CHST15: variants seen among roughly 807,000 people sequenced by gnomAD.
CHST15 encodes the protein B cell RAG associated protein (GALNAC4S-6ST).
In CHST15, 30 loss-of-function variants were observed where a neutral mutation model predicts 53.6. The ratio of observed to expected loss-of-function variants is 0.56; its 90% CI spans 0.42 to 0.76. The LOEUF is 0.76. Ranked by LOEUF, CHST15 falls within the 30% of genes least tolerant of loss-of-function variation. CHST15 has a pLI of 0.00. For missense variants in CHST15, 627 were observed against 740.5 expected, an observed-to-expected ratio of 0.85 and a Z score of 1.78; for synonymous variants, 296 against 289.8, an observed-to-expected ratio of 1.02 and a Z score of -0.22.
At chr10:124,084,114 C>A (rs1260450812) in intron 1 of CHST15, among the ~76,000 whole-genome samples, 2 of 152,208 alleles carry the variant, frequency 1.3e-5, no homozygotes, top group African/African-American at 4.8e-5. Context: ...GTCTCTGCTG[C>A]CCCAAGGAGT....
rs184039448 is a variant in CHST15 at position 124,038,369 on chromosome 10, G to A, written c.1190+146C>T. 5.9e-6 allele frequency: 5 copies of A among 840,860 alleles called. No individual in the cohort carries two copies. The Admixed American group carries it at 1.1e-4, about 18-fold the overall frequency. 52.1% of individuals were successfully genotyped at this position (840,860 alleles called of 1,614,324 possible). A position where few individuals can be genotyped will look rare whatever the true frequency, so the allele number is the denominator to read the frequency against. On this transcript the variant is annotated intron_variant, in intron 5 of 7. Transcript: ENST00000435907. Reference sequence around the variant, plus strand: ...GATCCACCCACCCCGGCCTCCCAAAGTGCTGGGATTACAGGCATGAGCCAC... The same window carrying A: ...GATCCACCCACCCCGGCCTCCCAAAATGCTGGGATTACAGGCATGAGCCAC...
intron 1 of CHST15, among the ~76,000 whole-genome samples, chr10:124,084,055 A>G (rs1038893792): frequency 6.6e-6 from 1 of 152,242 alleles, no homozygotes; most frequent in Non-Finnish European, 1.5e-5. Flanking sequence ...TCTGAGGCTC[A>G]GGAGGCTGCA....
rs144116212 is a variant in CHST15 at position 124,009,375 on chromosome 10, C to T, written c.*774G>A. On this transcript the variant is annotated 3_prime_UTR_variant, in exon 8 of 8. Transcript: ENST00000435907. The stretch of plus-strand genomic sequence containing the variant: ...ATGCAGAAAGTGGTTTTGTTTTAAA[C>T]GCATTCATTTTCTATGTTAAACATA... 50 of 1,011,838 alleles carry T rather than the reference C, an allele frequency of 4.9e-5. No homozygotes were observed. In the African/African-American group the frequency reaches 5.2e-4, roughly 10 times the overall value. The allele number at this position is 1,011,838 out of a possible 1,614,324, so 62.7% of individuals were successfully genotyped here. A position where few individuals can be genotyped will look rare whatever the true frequency, so the allele number is the denominator to read the frequency against.
At chr10:124,040,477 G>A (rs1046331187) in intron 4 of CHST15, among the ~76,000 whole-genome samples, 2 of 152,178 alleles carry the variant, frequency 1.3e-5, no homozygotes, top group African/African-American at 4.8e-5. Flanking sequence ...TCACGTTCAG[G>A]CCACTTGAAT....
intron 4 of CHST15, among the ~76,000 whole-genome samples, chr10:124,040,982 T>C (rs948157674): frequency 3.3e-5 from 5 of 152,252 alleles, no homozygotes; most frequent in Non-Finnish European, 7.3e-5. Flanking sequence ...CATGTGATTT[T>C]CCCAGAGGCA....
intron 1 of CHST15, among the ~76,000 whole-genome samples, chr10:124,090,029 A>G (rs1372363168): frequency 6.6e-6 from 1 of 152,158 alleles, no homozygotes; most frequent in Admixed American, 6.5e-5. Flanking sequence ...CAGCCTAGGG[A>G]CCTGGCCGCA....
At position 124,024,518 on chromosome 10, in the gene CHST15, C is replaced by G. The variant is rs1180411689; in HGVS notation, c.1191-3106G>C. ...TGGCCAGCCAAACTGTCCAAAGAGACAGTCAGCAAAGGGGCTCGGTGGCCA... is the reference window on the plus strand; with the variant it reads ...TGGCCAGCCAAACTGTCCAAAGAGAGAGTCAGCAAAGGGGCTCGGTGGCCA... On this transcript the variant is annotated intron_variant, in intron 5 of 7. Transcript: ENST00000435907. The surrounding 1 kb of genome is among the most constrained non-coding windows in gnomAD (Gnocchi z 4.0). Among the ~76,000 whole-genome samples the G allele has an allele frequency of 6.6e-6, 1 of 152,180 alleles. No individual in the cohort carries two copies. The highest frequency in any genetic ancestry group is 6.5e-5 in the Admixed American group (1 of 15,278).
intron 6 of CHST15, among the ~76,000 whole-genome samples, chr10:124,018,408 TGA>T (rs983612613): frequency 2.0e-5 from 3 of 152,228 alleles, no homozygotes; most frequent in African/African-American, 4.8e-5. Context: ...GCTGATTAAG[TGA>T]GAGCATGAGT....
Position 124,044,568 on chromosome 10 carries a change from C to T in CHST15, c.886+12G>A. The T allele has an allele frequency of 5.3e-6, 8 of 1,502,396 alleles. No homozygotes were observed. Among genetic ancestry groups the T allele is most frequent in the Non-Finnish European group, 7.1e-6 (8 of 1,124,444 alleles). 93.1% of individuals were successfully genotyped at this position (1,502,396 alleles called of 1,614,324 possible). ...ACGAGACCAGACAGGAGCCCTGGGA[C>T]CCAGCACTCACCAAAGCGCTTCCGG... On this transcript the variant is annotated intron_variant, in intron 3 of 7. Coordinates refer to ENST00000435907, the MANE Select transcript of CHST15 (RefSeq NM_001270764.2).
chr10:124,022,524 G>A (rs922977134), intron 5 of CHST15, among the ~76,000 whole-genome samples: 4 of 152,194 alleles, frequency 2.6e-5, no homozygotes, highest in African/African-American at 4.8e-5. Flanking sequence ...TTCATGGACC[G>A]TGCTAATAAA....
At chr10:124,077,324 A>G (rs7092961) in intron 1 of CHST15, among the ~76,000 whole-genome samples, 41,265 of 152,104 alleles carry the variant, frequency 0.27, 5,749 homozygotes, top group Middle Eastern at 0.4. Flanking sequence ...GAGCCTGTTT[A>G]TCATAAGTCT....
Position 124,085,679 on chromosome 10 carries a change from T to C in CHST15, c.-513+7790A>G, listed in dbSNP as rs140257219. 1.4e-4 allele frequency among the ~76,000 whole-genome samples: 21 copies of C among 152,306 alleles called. 1 individual carries two copies. The East Asian group carries it at 3.9e-3, about 28-fold the overall frequency. On this transcript the variant is annotated intron_variant, in intron 1 of 7. Coordinates refer to ENST00000435907, the MANE Select transcript of CHST15 (RefSeq NM_001270764.2). ...GCCTCATCAGGCTGGGAGAGCAGAC[T>C]GCACCCAGGAAACTGGAGCCCAGCA...
intron 1 of CHST15, among the ~76,000 whole-genome samples, chr10:124,050,355 G>A (rs1457721848): frequency 6.6e-6 from 1 of 152,214 alleles, no homozygotes; most frequent in African/African-American, 2.4e-5. Context: ...GATAATCACA[G>A]ATGCTGCTAG....
intron 1 of CHST15, among the ~76,000 whole-genome samples, chr10:124,051,263 G>C (rs1366596758): frequency 1.3e-5 from 2 of 151,996 alleles, no homozygotes; most frequent in Non-Finnish European, 2.9e-5. Flanking sequence ...TTTTTACTAT[G>C]TATAGTAAAT....
chr10:124,070,150 G>A (rs1017851029), intron 1 of CHST15, among the ~76,000 whole-genome samples: 2 of 152,006 alleles, frequency 1.3e-5, no homozygotes, highest in African/African-American at 4.8e-5. Flanking sequence ...AACAGTTTCT[G>A]GAAAAAAAAG....
intron 5 of CHST15, among the ~76,000 whole-genome samples, chr10:124,030,800 G>A (rs1411521131): frequency 6.6e-6 from 1 of 152,220 alleles, no homozygotes; most frequent in African/African-American, 2.4e-5. Context: ...GGGGCTTCCG[G>A]TGCTGCCTGA....
chr10:124,028,285 A>T (rs959362493), intron 5 of CHST15, among the ~76,000 whole-genome samples: 1 of 152,182 alleles, frequency 6.6e-6, no homozygotes, highest in Non-Finnish European at 1.5e-5. Context: ...TGATCGCAAT[A>T]GCTCATTAGA....
intron 1 of CHST15, among the ~76,000 whole-genome samples, chr10:124,080,514 T>C (rs547910569): frequency 2.6e-5 from 4 of 152,342 alleles, no homozygotes; most frequent in East Asian, 3.9e-4. Flanking sequence ...CTGTGAGCAC[T>C]GGGACCCTGT....
intron 1 of CHST15, among the ~76,000 whole-genome samples, chr10:124,059,727 G>A (rs972848384): frequency 2.6e-5 from 4 of 152,196 alleles, no homozygotes; most frequent in Non-Finnish European, 5.9e-5. Flanking sequence ...GCGACTGAAA[G>A]GGGAGCAGCT....
Sources: allele counts gnomAD v4.1 joint callset (sites outside exome capture counted in the v4.1 genomes callset), GRCh38; gene constraint gnomAD v4.1.1; non-coding constraint Gnocchi (gnomAD v3.1); transcripts MANE v1.5; gene names NCBI Gene and HGNC (gene_info 2026-07-23, HGNC 2026-07-21).